Variants in RPS6KB1 observed in about 807,000 individuals in gnomAD.
RPS6KB1 encodes the protein ribosomal protein S6 kinase beta-1.
Under a neutral mutation model 70.2 loss-of-function variants are expected in RPS6KB1, and 12 were observed. The observed-to-expected ratio is 0.17, with a 90% CI of 0.11 to 0.28. RPS6KB1 has a LOEUF of 0.28. RPS6KB1 is among the 10% of genes least tolerant of loss of function. The pLI is 1.00. For synonymous variants in RPS6KB1, 175 were observed against 211.2 expected (o/e 0.83, Z 1.49); for missense variants, 270 against 646.6 (o/e 0.42, Z 6.32).
At chr17:59,907,649 C>T (rs2042351684) in intron 1 of RPS6KB1, among the ~76,000 whole-genome samples, 1 of 151,834 alleles carries the variant, frequency 6.6e-6, no homozygotes, top group Non-Finnish European at 1.5e-5. Flanking sequence ...AGTGATCCTG[C>T]CACCTCAGCC....
intron 12 of RPS6KB1, among the ~76,000 whole-genome samples, chr17:59,937,255 TATTTC>T (rs926949458): frequency 2.0e-5 from 3 of 152,198 alleles, no homozygotes; most frequent in African/African-American, 7.2e-5. Context: ...CTAAGACAAA[TATTTC>T]AGGTAGTTGG....
At chr17:59,923,422 C>G (rs1598754429) in intron 4 of RPS6KB1, among the ~76,000 whole-genome samples, 1 of 152,240 alleles carries the variant, frequency 6.6e-6, no homozygotes, top group East Asian at 1.9e-4. Context: ...AACTCCTGGC[C>G]AACATGGTGA....
chr17:59,930,275 A>T, intron 6 of RPS6KB1, 101 bp downstream of exon 6: 2 of 790,716 alleles, frequency 2.5e-6, no homozygotes, highest in Non-Finnish European at 4.6e-6. Context: ...AGCTGGAGCC[A>T]GTCACTCACT....
At chr17:59,919,884 A>G (rs566255028) in intron 4 of RPS6KB1, among the ~76,000 whole-genome samples, 280 of 152,096 alleles carry the variant, frequency 1.8e-3, no homozygotes, top group Middle Eastern at 3.4e-3. Context: ...CTGGGGTTCT[A>G]TAGATAGATT....
chr17:59,893,737 A>G lies in RPS6KB1; in HGVS notation c.141+412A>G. On this transcript the variant is annotated intron_variant, in intron 1 of 14. Coordinates refer to ENST00000225577, the MANE Select transcript of RPS6KB1 (RefSeq NM_003161.4). This position sits in a 1 kb window ranked among gnomAD's most constrained non-coding sequence, Gnocchi z 4.1. ...TCCCTTCGAGTCTAGAATTTCAAGT[A>G]TTGAATCTTCAGACCTCCCACAACC... is the stretch of plus-strand genomic sequence containing the variant. 1 of 988,710 alleles carries G rather than the reference A, an allele frequency of 1.0e-6. No individual in the cohort carries two copies. Among genetic ancestry groups the G allele is most frequent in the Non-Finnish European group, 1.2e-6 (1 of 828,678 alleles). 61.2% of individuals were successfully genotyped at this position (988,710 alleles called of 1,614,324 possible). A position where few individuals can be genotyped will look rare whatever the true frequency, so the allele number is the denominator to read the frequency against.
chr17:59,924,460 T>A (rs2043473930), intron 4 of RPS6KB1, among the ~76,000 whole-genome samples: 1 of 152,242 alleles, frequency 6.6e-6, no homozygotes, highest in Non-Finnish European at 1.5e-5. Context: ...TCATCCTTGT[T>A]GATTTTATTT....
intron 5 of RPS6KB1, among the ~76,000 whole-genome samples, chr17:59,927,132 T>G (rs1210612261): frequency 2.6e-5 from 4 of 152,160 alleles, no homozygotes; most frequent in Middle Eastern, 6.8e-3. Context: ...GCACAGGCTG[T>G]AGTGCAATGG....
chr17:59,925,757 T>G (rs182238343), intron 4 of RPS6KB1, among the ~76,000 whole-genome samples: 5 of 152,342 alleles, frequency 3.3e-5, no homozygotes, highest in Admixed American at 3.3e-4. Flanking sequence ...CTGTCCTCTT[T>G]TGCACTGGAA....
chr17:59,947,563 CTATT>C lies in RPS6KB1; in HGVS notation c.*778_*781del, dbSNP rs745659146. The C allele has an allele frequency of 3.3e-6, 5 of 1,533,480 alleles. No homozygotes were observed. Among genetic ancestry groups the C allele is most frequent in the Non-Finnish European group, 4.4e-6 (5 of 1,133,634 alleles). 95.0% of individuals were successfully genotyped at this position (1,533,480 alleles called of 1,614,324 possible). A position where few individuals can be genotyped will look rare whatever the true frequency, so the allele number is the denominator to read the frequency against. ...GTAATATGAGAAAAAAAAAATGAAT[CTATT>C]TAATCATTTCTACTTGCAGTACTGC... On this transcript the variant is annotated 3_prime_UTR_variant, in exon 15 of 15. Transcript: ENST00000225577.
intron 4 of RPS6KB1, among the ~76,000 whole-genome samples, chr17:59,916,254 C>G (rs571388964): frequency 4.7e-4 from 72 of 152,236 alleles, no homozygotes; most frequent in Middle Eastern, 3.4e-3. Context: ...GCGCCCACCA[C>G]CACACCCGGC....
At chr17:59,936,569 G>A (rs200931382) in intron 12 of RPS6KB1, 28 bp downstream of exon 12, 2 of 1,569,956 alleles carry the variant, frequency 1.3e-6, no homozygotes, top group African/African-American at 1.3e-5. Flanking sequence ...TGTATAATTG[G>A]GTGCAGTGGC....
intron 4 of RPS6KB1, among the ~76,000 whole-genome samples, chr17:59,916,506 C>T (rs1045367643): frequency 2.3e-4 from 35 of 152,190 alleles, no homozygotes; most frequent in African/African-American, 8.2e-4. Context: ...CTACTATTGT[C>T]CTCTGATGTC....
chr17:59,944,268 G>A (rs76605366), intron 13 of RPS6KB1, among the ~76,000 whole-genome samples: 226 of 152,266 alleles, frequency 1.5e-3, no homozygotes, highest in African/African-American at 5.3e-3. Flanking sequence ...TAGAAGATAG[G>A]TGAAGATGGT....
At chr17:59,937,452 A>G (rs764327201) in intron 12 of RPS6KB1, among the ~76,000 whole-genome samples, 4 of 152,198 alleles carry the variant, frequency 2.6e-5, no homozygotes, top group Admixed American at 6.5e-5. Context: ...AGATCTGGAG[A>G]CTAGAAGTTC....
chr17:59,903,994 G>C (rs2144715906), intron 1 of RPS6KB1, among the ~76,000 whole-genome samples: 1 of 152,046 alleles, frequency 6.6e-6, no homozygotes, highest in African/African-American at 2.4e-5. Context: ...TTCCACCTTG[G>C]CCTCCCAAAG....
Position 59,947,189 on chromosome 17 carries a change from C to A in RPS6KB1, c.*401C>A. The A allele has an allele frequency of 9.6e-7, 1 of 1,037,364 alleles. No homozygotes were observed. The highest frequency in any genetic ancestry group is 4.1e-5 in the South Asian group (1 of 24,230). 64.3% of individuals were successfully genotyped at this position (1,037,364 alleles called of 1,614,324 possible). A position where few individuals can be genotyped will look rare whatever the true frequency, so the allele number is the denominator to read the frequency against. ...ACAAAATTGCCTATAATACTTGCAA[C>A]TAAGGACAAATTAGCATGCAAGCTT... On this transcript the variant is annotated 3_prime_UTR_variant, in exon 15 of 15. Coordinates refer to ENST00000225577, the MANE Select transcript of RPS6KB1 (RefSeq NM_003161.4).
chr17:59,908,063 C>T (rs1157748031), intron 1 of RPS6KB1, among the ~76,000 whole-genome samples: 1 of 151,894 alleles, frequency 6.6e-6, no homozygotes, highest in African/African-American at 2.4e-5. Context: ...GTTGTGGGTA[C>T]CTTAGGCTTA....
rs571076978 is a variant in RPS6KB1, at chr17:59,893,846, C to T, written c.141+521C>T. 1 of 985,192 alleles carries T rather than the reference C, an allele frequency of 1.0e-6. No individual in the cohort carries two copies. Among genetic ancestry groups the T allele is most frequent in the African/African-American group, 1.7e-5 (1 of 57,294 alleles). 61.0% of individuals were successfully genotyped at this position (985,192 alleles called of 1,614,324 possible). On this transcript the variant is annotated intron_variant, in intron 1 of 14. Coordinates refer to ENST00000225577, the MANE Select transcript of RPS6KB1 (RefSeq NM_003161.4). The surrounding 1 kb of genome is among the most constrained non-coding windows in gnomAD (Gnocchi z 4.1). The stretch of plus-strand genomic sequence containing the variant: ...AGCTGAAAACTTCTGTCGGGAGTAG[C>T]ACTGCCGCTGCTGTTACAGCCACCA...
chr17:59,937,036 A>AT (rs772808770), intron 12 of RPS6KB1, among the ~76,000 whole-genome samples: 70 of 152,034 alleles, frequency 4.6e-4, no homozygotes, highest in Non-Finnish European at 9.0e-4. Context: ...ATTTTTTTGT[A>AT]TTTTTTATAG....
Sources: gnomAD v4.1 joint callset for allele counts (sites outside exome capture counted in the v4.1 genomes callset) on GRCh38, gnomAD v4.1.1 for gene constraint, Gnocchi (gnomAD v3.1) non-coding constraint, MANE v1.5 for transcripts, NCBI Gene and HGNC (gene_info 2026-07-23, HGNC 2026-07-21) for gene names.